Variants in SIGLEC9 observed in about 807,000 individuals in gnomAD.
The protein encoded by SIGLEC9 is sialic acid binding Ig like lectin 9.
Under a neutral mutation model 38.3 loss-of-function variants are expected in SIGLEC9, and 26 were observed. The observed-to-expected ratio is 0.68, with a 90% CI of 0.50 to 0.94. The LOEUF is 0.94. Ranked by LOEUF, SIGLEC9 falls within the 40% of genes least tolerant of loss-of-function variation. The pLI is 0.00. For missense variants in SIGLEC9, 556 were observed against 585.7 expected (o/e 0.95, Z 0.52); for synonymous variants, 236 against 248.0 (o/e 0.95, Z 0.45).
At chr19:51,128,380 C>T in intron 5 of SIGLEC9, 34 bp from the exon 6 acceptor site, 1 of 1,608,330 alleles carries the variant, frequency 6.2e-7, no homozygotes. Context: ...CCCAATCTGA[C>T]CACACTGAAA....
At chr19:51,129,171 G>GTGTTTTTTTTTTTTTTT (rs2091999206) in intron 6 of SIGLEC9, among the ~76,000 whole-genome samples, 1 of 138,992 alleles carries the variant, frequency 7.2e-6, no homozygotes, top group African/African-American at 3.0e-5. Flanking sequence ...TGTTGTTGTT[G>GTGTTTTTTTTTTTTTTT]TTTTTGAGAC....
rs762961368 is a variant in SIGLEC9, at chr19:51,125,001, C to T, written c.27C>T (p.Leu9=). MLLLLLPL[L]WGRERAEGQT... ...TGCTGCTGCTGCTGCTGCCCCTGCT[C>T]TGGGGGAGGGAGAGGGCGGAAGGAC... is the stretch of plus-strand genomic sequence containing the variant. The change falls in exon 1 of 7, where the codon CTC becomes CTT. Residue 9 remains leucine (L), a synonymous_variant. Coordinates refer to ENST00000250360, the MANE Select transcript of SIGLEC9 (RefSeq NM_014441.3). 3.7e-6 allele frequency: 6 copies of T among 1,610,344 alleles called. 1 individual carries two copies. The South Asian group carries it at 6.6e-5, about 18-fold the overall frequency.
At chr19:51,120,796 C>T, upstream of SIGLEC9, 1 of 162,506 alleles carries the variant, frequency 6.2e-6, no homozygotes. The surrounding 1 kb of genome is among the most constrained non-coding windows in gnomAD (Gnocchi z 4.1). Flanking sequence ...TGCCCAGGGC[C>T]CTGAGAACAA....
chr19:51,128,065 G>A, intron 5 of SIGLEC9, 26 bp downstream of exon 5: 1 of 1,569,228 alleles, frequency 6.4e-7, no homozygotes, highest in Non-Finnish European at 8.8e-7. Flanking sequence ...AGAGAGGGAG[G>A]GAGGGAGAGC....
At chr19:51,128,601 G>A (rs2091994627) in intron 6 of SIGLEC9, 91 bp downstream of exon 6, 1 of 1,099,384 alleles carries the variant, frequency 9.1e-7, no homozygotes, top group Admixed American at 2.3e-5. Context: ...CGTAGCCAAA[G>A]TTACCTCCTC....
downstream of SIGLEC9, among the ~76,000 whole-genome samples, chr19:51,135,269 G>A (rs564458150): frequency 5.3e-5 from 8 of 152,222 alleles, no homozygotes; most frequent in South Asian, 4.2e-4. Context: ...AGTCAGGTCC[G>A]GTGGTAATGA....
At chr19:51,129,554 T>C (rs113683401) in intron 6 of SIGLEC9, among the ~76,000 whole-genome samples, 5 of 152,056 alleles carry the variant, frequency 3.3e-5, no homozygotes, top group African/African-American at 1.2e-4. Context: ...TTCGTTTGTT[T>C]GTTTTTGTTT....
chr19:51,127,439 C>T, intron 4 of SIGLEC9, 143 bp downstream of exon 4: 3 of 894,648 alleles, frequency 3.4e-6, no homozygotes, highest in Non-Finnish European at 5.0e-6. Context: ...CCCTGGGACC[C>T]ACAGCACCAC....
chr19:51,128,066 G>C (rs1247314416), intron 5 of SIGLEC9, 27 bp downstream of exon 5: 1 of 1,566,566 alleles, frequency 6.4e-7, no homozygotes, highest in South Asian at 1.1e-5. Context: ...GAGAGGGAGG[G>C]AGGGAGAGCC....
chr19:51,132,536 A>C (rs1302089300), downstream of SIGLEC9, among the ~76,000 whole-genome samples: 1 of 152,196 alleles, frequency 6.6e-6, no homozygotes, highest in Admixed American at 6.5e-5. Context: ...TATGTGTCTC[A>C]TGACCCGACC....
upstream of SIGLEC9, among the ~76,000 whole-genome samples, chr19:51,123,660 G>T (rs2091957023): frequency 6.6e-6 from 1 of 152,168 alleles, no homozygotes; most frequent in South Asian, 2.1e-4. Context: ...CAGGAAGTGG[G>T]GTAACAAAGA....
intron 1 of SIGLEC9, 49 bp downstream of exon 1, chr19:51,125,444 G>T (rs1263056491): frequency 1.9e-6 from 3 of 1,552,316 alleles, no homozygotes; most frequent in East Asian, 4.5e-5. Flanking sequence ...CATGGGGGCG[G>T]CAGGGAAAGG....
At chr19:51,132,615 TG>T (rs1469877891), downstream of SIGLEC9, among the ~76,000 whole-genome samples, 6 of 152,226 alleles carry the variant, frequency 3.9e-5, no homozygotes, top group Non-Finnish European at 2.9e-5. Flanking sequence ...GGACGGATTC[TG>T]GGGCGGCACT....
chr19:51,132,953 T>C (rs2092024824), downstream of SIGLEC9, among the ~76,000 whole-genome samples: 1 of 151,848 alleles, frequency 6.6e-6, no homozygotes, highest in Admixed American at 6.6e-5. Flanking sequence ...TTCCTATATA[T>C]ATATAAAATA....
chr19:51,132,052 C>T (rs1174225711), downstream of SIGLEC9, among the ~76,000 whole-genome samples: 1 of 152,198 alleles, frequency 6.6e-6, no homozygotes, highest in Non-Finnish European at 1.5e-5. Flanking sequence ...GATTGGATCC[C>T]TCATGAATGG....
upstream of SIGLEC9, among the ~76,000 whole-genome samples, chr19:51,123,950 C>T (rs893040957): frequency 2.6e-5 from 4 of 152,084 alleles, no homozygotes; most frequent in African/African-American, 9.7e-5. Context: ...GGTGCATGCC[C>T]CGGGGCTGGT....
At chr19:51,124,511 G>C (rs1000992911), upstream of SIGLEC9, among the ~76,000 whole-genome samples, 4 of 152,070 alleles carry the variant, frequency 2.6e-5, no homozygotes, top group South Asian at 2.1e-4. Context: ...TGCTTGCTTG[G>C]GGGGGATGAG....
Sources: gnomAD v4.1 joint callset for allele counts (sites outside exome capture counted in the v4.1 genomes callset) on GRCh38, gnomAD v4.1.1 for gene constraint, Gnocchi (gnomAD v3.1) non-coding constraint, MANE v1.5 for transcripts, NCBI Gene and HGNC (gene_info 2026-07-23, HGNC 2026-07-21) for gene names.